FAM3C: variants seen among roughly 807,000 people sequenced by gnomAD.
FAM3C encodes protein FAM3C.
In FAM3C, 15 loss-of-function variants were observed where a neutral mutation model predicts 32.5. The observed-to-expected ratio is 0.46, with a 90% CI of 0.31 to 0.71. The LOEUF (loss-of-function observed/expected upper bound fraction) is 0.71, where lower values mean the gene tolerates loss of function less well. Among genes scored for constraint, FAM3C ranks in the 30% least tolerant of loss-of-function variants. FAM3C has a pLI of 0.05. For synonymous variants in FAM3C, 75 were observed against 86.1 expected, an observed-to-expected ratio of 0.87 and a Z score of 0.72; for missense variants, 175 against 274.4, an observed-to-expected ratio of 0.64 and a Z score of 2.56.
intron 8 of FAM3C, among the ~76,000 whole-genome samples, chr7:121,356,404 A>C (rs1198902049): frequency 5.3e-5 from 8 of 152,192 alleles, no homozygotes; most frequent in Non-Finnish European, 1.2e-4. Context: ...CTAAAAGAAA[A>C]ATACCAATTA....
chr7:121,356,270 TTAAGAGAGACAA>T (rs1445372597), intron 8 of FAM3C, among the ~76,000 whole-genome samples: 1 of 152,162 alleles, frequency 6.6e-6, no homozygotes, highest in Non-Finnish European at 1.5e-5. Context: ...TGCATTCATT[TTAAGAGAGACAA>T]TAATCAACTA....
chr7:121,367,115 A>G (rs1226309722), intron 5 of FAM3C, among the ~76,000 whole-genome samples: 6 of 152,226 alleles, frequency 3.9e-5, no homozygotes, highest in Non-Finnish European at 7.4e-5. Context: ...TTTAAAATGT[A>G]TAAAGGTTAG....
chr7:121,394,410 CCATT>C (rs890504854), intron 1 of FAM3C, among the ~76,000 whole-genome samples: 1 of 152,064 alleles, frequency 6.6e-6, no homozygotes, highest in Admixed American at 6.5e-5. Flanking sequence ...AATAAAACAT[CCATT>C]AAGTTTATTT....
chr7:121,364,914 C>A (rs774660277), intron 5 of FAM3C, among the ~76,000 whole-genome samples: 1 of 152,104 alleles, frequency 6.6e-6, no homozygotes, highest in Non-Finnish European at 1.5e-5. Context: ...ATTGTGAGTT[C>A]TTTTAACTCA....
chr7:121,351,339 T>C, intron 8 of FAM3C, 70 bp from the exon 9 acceptor site: 1 of 1,358,654 alleles, frequency 7.4e-7, no homozygotes, highest in Non-Finnish European at 9.9e-7. Flanking sequence ...TTCACTGGGA[T>C]ATTAACACAA....
chr7:121,358,171 C>A (rs540711742), intron 8 of FAM3C, among the ~76,000 whole-genome samples: 1 of 152,002 alleles, frequency 6.6e-6, no homozygotes, highest in Non-Finnish European at 1.5e-5. Flanking sequence ...CCAGATAAAA[C>A]GCACAATGTC....
At chr7:121,350,982 C>T (rs184947477) in intron 9 of FAM3C, among the ~76,000 whole-genome samples, 161 bp downstream of exon 9, 92 of 152,196 alleles carry the variant, frequency 6.0e-4, no homozygotes, top group African/African-American at 2.1e-3. Context: ...TTTAAAAGTA[C>T]GATAGTTATT....
chr7:121,395,202 C>A (rs1229153355), intron 1 of FAM3C, among the ~76,000 whole-genome samples: 1 of 151,162 alleles, frequency 6.6e-6, no homozygotes, highest in African/African-American at 2.4e-5. Flanking sequence ...TGGATACATA[C>A]ATATATACGG....
At chr7:121,378,649 T>G (rs1794288205) in intron 3 of FAM3C, among the ~76,000 whole-genome samples, 1 of 152,228 alleles carries the variant, frequency 6.6e-6, no homozygotes. Flanking sequence ...GCACTTAGAA[T>G]GCCATGATTA....
intron 8 of FAM3C, among the ~76,000 whole-genome samples, chr7:121,354,753 C>T (rs1441853127): frequency 6.6e-6 from 1 of 152,130 alleles, no homozygotes; most frequent in Non-Finnish European, 1.5e-5. Flanking sequence ...CCAGCCTAGA[C>T]TTTAAAGAGA....
rs147359515 is a variant in FAM3C at position 121,371,838 on chromosome 7, G to A, written c.148+272C>T. On this transcript the variant is annotated intron_variant, in intron 4 of 9. Coordinates refer to ENST00000359943, the MANE Select transcript of FAM3C (RefSeq NM_014888.3). ...CCAGGATAATTAAAAAAGGCCTAATGTTCCATTGACTACCTTGCCCATGTA... is the reference window on the plus strand; with the variant it reads ...CCAGGATAATTAAAAAAGGCCTAATATTCCATTGACTACCTTGCCCATGTA... 3.3e-5 allele frequency among the ~76,000 whole-genome samples: 5 copies of A among 152,200 alleles called. No individual in the cohort carries two copies. The East Asian group carries it at 7.7e-4, about 23-fold the overall frequency.
intron 9 of FAM3C, 82 bp from the exon 10 acceptor site, chr7:121,350,632 T>C: frequency 7.3e-7 from 1 of 1,365,346 alleles, no homozygotes; most frequent in Non-Finnish European, 1.0e-6. Flanking sequence ...ACACTTCTCA[T>C]TTCAGTAATA....
intron 7 of FAM3C, 199 bp downstream of exon 7, chr7:121,362,698 A>T (rs1766674642): frequency 5.7e-6 from 3 of 521,930 alleles, no homozygotes; most frequent in South Asian, 5.6e-5. Context: ...CACCACAAAA[A>T]TTTTTTTCTA....
Position 121,349,191 on chromosome 7 carries a change from AG to A in FAM3C, c.*1269del, listed in dbSNP as rs1341477755. On this transcript the variant is annotated 3_prime_UTR_variant, in exon 10 of 10. Coordinates refer to ENST00000359943, the MANE Select transcript of FAM3C (RefSeq NM_014888.3). Reference sequence around the variant, plus strand: ...CAGCTAAATAACAGATACTGCTTTTAGGTTTTTTTATACAATGCATCTAAAC... The same window carrying A: ...CAGCTAAATAACAGATACTGCTTTTAGTTTTTTTATACAATGCATCTAAAC... The A allele has an allele frequency of 1.3e-5, 2 of 152,560 alleles. No homozygotes were observed. The highest frequency in any genetic ancestry group is 2.9e-5 in the Non-Finnish European group (2 of 68,020). 9.5% of individuals were successfully genotyped at this position (152,560 alleles called of 1,614,324 possible). A position where few individuals can be genotyped will look rare whatever the true frequency, so the allele number is the denominator to read the frequency against.
At chr7:121,387,250 G>C (rs926378126) in intron 1 of FAM3C, among the ~76,000 whole-genome samples, 18 of 151,548 alleles carry the variant, frequency 1.2e-4, no homozygotes, top group African/African-American at 4.1e-4. Flanking sequence ...TGGCTTGTGG[G>C]CCATACAGGC....
At chr7:121,356,656 G>T (rs1201268205) in intron 8 of FAM3C, among the ~76,000 whole-genome samples, 1 of 152,146 alleles carries the variant, frequency 6.6e-6, no homozygotes, top group Non-Finnish European at 1.5e-5. Context: ...TCTTGCCCAG[G>T]CTCCAATGCT....
At chr7:121,393,875 C>A (rs1794630804) in intron 1 of FAM3C, among the ~76,000 whole-genome samples, 1 of 152,146 alleles carries the variant, frequency 6.6e-6, no homozygotes, top group African/African-American at 2.4e-5. Flanking sequence ...TGCTTCAAAT[C>A]CTGATCATCT....
intron 1 of FAM3C, among the ~76,000 whole-genome samples, chr7:121,384,917 G>A (rs1254793361): frequency 2.6e-5 from 4 of 152,076 alleles, no homozygotes; most frequent in African/African-American, 9.7e-5. Context: ...ATGATAATGT[G>A]CTAATTCTAA....
chr7:121,358,771 G>A (rs1793863915), intron 8 of FAM3C, among the ~76,000 whole-genome samples: 1 of 151,886 alleles, frequency 6.6e-6, no homozygotes, highest in Non-Finnish European at 1.5e-5. Context: ...CAAGGAGAGT[G>A]ATAGAAAAAT....
Sources: gnomAD v4.1 joint callset for allele counts (sites outside exome capture counted in the v4.1 genomes callset) on GRCh38, gnomAD v4.1.1 for gene constraint, MANE v1.5 for transcripts, NCBI Gene and HGNC (gene_info 2026-07-23, HGNC 2026-07-21) for gene names.